AMPD2: variants seen among roughly 807,000 people sequenced by gnomAD.
The protein encoded by AMPD2 is adenosine monophosphate deaminase 2.
AMPD2 carries 52 observed loss-of-function variants against 91.3 expected under a neutral mutation model. That is an observed-to-expected ratio of 0.57 (90% CI 0.46 to 0.72). The LOEUF (loss-of-function observed/expected upper bound fraction) is 0.72. Ranked by LOEUF, AMPD2 falls within the 30% of genes least tolerant of loss-of-function variation. The probability of loss-of-function intolerance (pLI) is 0.00; values close to 1 mark genes in which losing one functional copy is unlikely to be tolerated. For missense variants in AMPD2, 822 were observed against 1,122.3 expected (o/e 0.73, Z 3.82); for synonymous variants, 455 against 456.4 (o/e 1.00, Z 0.04).
At chr1:109,626,606 G>A in intron 6 of AMPD2, 120 bp from the exon 7 acceptor site, 1 of 1,406,696 alleles carries the variant, frequency 7.1e-7, no homozygotes. Flanking sequence ...GGTGATCTGA[G>A]TGTTCCTGGG....
chr1:109,630,583 T>TGGGGGGGGGGGGGGGGGGG, intron 17 of AMPD2, 100 bp from the exon 18 acceptor site: 1 of 123,842 alleles, frequency 8.1e-6, no homozygotes, highest in African/African-American at 3.5e-4. Context: ...GTTGGGGGGA[T>TGGGGGGGGGGGGGGGGGGG]GGGGGGGCGG....
At position 109,626,736 on chromosome 1, in the gene AMPD2, C is replaced by G. The variant is rs1425223465; in HGVS notation, c.542C>G (p.Thr181Arg). The G allele has an allele frequency of 6.2e-7, 1 of 1,612,814 alleles. No individual in the cohort carries two copies. ...SGEEKCGVPF[T>R]DLLDAAKSVV... is the part of the protein sequence containing the mutation. ...TATCCTCATCTCCAGGTGCCGTTCA[C>G]AGACCTGCTGGATGCAGCCAAGAGT... The change falls in exon 7 of 19, where the codon ACA becomes AGA. Residue 181 changes from threonine to arginine, a missense_variant. Thr to Arg is a moderately conservative substitution (Grantham distance 71, BLOSUM62 -1). Transcript: ENST00000528667.
rs1424171961 is a variant in AMPD2, at chr1:109,627,077, G to A, written c.719-98G>A. On this transcript the variant is annotated intron_variant, in intron 7 of 18. Transcript: ENST00000528667. ...TTGGGCAGGAGCTGTCTGACCTACT[G>A]GGTCTTCAACATCTCTTGCCCTCTG... 3 of 1,580,862 alleles carry A rather than the reference G, an allele frequency of 1.9e-6. No homozygotes were observed. In the African/African-American group the frequency reaches 4.0e-5, roughly 21 times the overall value.
At chr1:109,627,154 T>C in intron 7 of AMPD2, 21 bp from the exon 8 acceptor site, 1 of 1,611,834 alleles carries the variant, frequency 6.2e-7, no homozygotes, top group Non-Finnish European at 8.5e-7. Context: ...TGCTCTGACT[T>C]TACCCTCCTC....
chr1:109,627,720 C>T (rs944113016), intron 9 of AMPD2, 54 bp from the exon 10 acceptor site: 2 of 1,603,942 alleles, frequency 1.2e-6, no homozygotes, highest in South Asian at 1.1e-5. Context: ...CCAAGCCCTC[C>T]CCAGGTGCCT....
At position 109,631,004 on chromosome 1, in the gene AMPD2, GC is replaced by G. The variant is rs1651210444; in HGVS notation, c.2332del (p.Arg778GlyfsTer43). ...TKEGPEGNDI[R>X]RTNVPDIRVG... ...GAAGGCCCTGAGGGGAATGACATCC[GC>G]CGGACCAATGTGCCAGACATCCGCG... On this transcript the variant is annotated frameshift_variant, in exon 19 of 19. Transcript: ENST00000528667. LOFTEE classifies it high-confidence loss of function. 1 of 1,614,064 alleles carries G rather than the reference GC, an allele frequency of 6.2e-7. No homozygotes were observed. Among genetic ancestry groups the G allele is most frequent in the South Asian group, 1.1e-5 (1 of 91,096 alleles).
In AMPD2 at chr1:109,630,038, G is replaced by A. The variant is rs1651078825; in HGVS notation, c.1983+122G>A. 2.1e-6 allele frequency: 3 copies of A among 1,463,232 alleles called. No individual in the cohort carries two copies. In the Admixed American group the frequency reaches 6.0e-5, roughly 29 times the overall value. 90.6% of individuals were successfully genotyped at this position (1,463,232 alleles called of 1,614,324 possible). ...TCAGATTGGATTCTGCCTTCCCAAT[G>A]TAACTACCCTTCCCCACCCCAGCCT... On this transcript the variant is annotated intron_variant, in intron 16 of 18. Coordinates refer to ENST00000528667, the MANE Select transcript of AMPD2 (RefSeq NM_001368809.2).
At position 109,628,220 on chromosome 1, in the gene AMPD2, T is replaced by C; in HGVS notation, c.1218T>C (p.Phe406=). The C allele has an allele frequency of 3.7e-6, 6 of 1,613,964 alleles. No individual in the cohort carries two copies. Among genetic ancestry groups the C allele is most frequent in the Non-Finnish European group, 5.1e-6 (6 of 1,180,004 alleles). Residue 406 remains phenylalanine (F), a synonymous_variant, in exon 11 of 19, where the codon TTT becomes TTC. Coordinates refer to ENST00000528667, the MANE Select transcript of AMPD2 (RefSeq NM_001368809.2). This position sits in a 1 kb window ranked among gnomAD's most constrained non-coding sequence, Gnocchi z 7.1. ...QGREQTLREV[F]ESMNLTAYDL... is the part of the protein sequence containing the mutation. ...GTGAACAGACGCTGCGGGAGGTCTT[T>C]GAGAGCATGAATCTCACGGCCTACG...
At chr1:109,620,743 T>G in intron 1 of AMPD2, 171 bp from the exon 2 acceptor site, 1 of 1,249,300 alleles carries the variant, frequency 8.0e-7, no homozygotes, top group Non-Finnish European at 1.0e-6. Flanking sequence ...TCCTGTTTGT[T>G]ATTCTTTTTT....
rs747457875 is a variant in AMPD2 at position 109,630,962 on chromosome 1, G to C, written c.2288G>C (p.Gly763Ala). The C allele has an allele frequency of 1.2e-6, 2 of 1,614,120 alleles. No homozygotes were observed. Among genetic ancestry groups the C allele is most frequent in the East Asian group, 2.2e-5 (1 of 44,876 alleles). ...FSHKVKSHWLGPNYTKEGPEG... is the reference protein window; with the variant it reads ...FSHKVKSHWLAPNYTKEGPEG... ...TTGCAGGTAAAGAGCCACTGGCTGGGACCCAACTATACCAAGGAAGGCCCT... is the reference window on the plus strand; with the variant it reads ...TTGCAGGTAAAGAGCCACTGGCTGGCACCCAACTATACCAAGGAAGGCCCT... The change falls in exon 19 of 19, where the codon GGA becomes GCA. Residue 763 changes from glycine (G) to alanine (A), a missense_variant. Physicochemically the swap from Gly to Ala is moderately conservative, Grantham distance 60. This residue lies in a region of AMPD2 where 430 missense variants were observed against 606.0 expected (regional missense o/e 0.71). Coordinates refer to ENST00000528667, the MANE Select transcript of AMPD2 (RefSeq NM_001368809.2).
chr1:109,625,469 T>A lies in AMPD2; in HGVS notation c.222+36T>A, dbSNP rs781708790. ...GCACCACCCGCACCCTCACCCCGTG[T>A]CTCCATGCCCTGCCTCTGCTCCCCA... On this transcript the variant is annotated intron_variant, in intron 3 of 18. Coordinates refer to ENST00000528667, the MANE Select transcript of AMPD2 (RefSeq NM_001368809.2). The surrounding 1 kb of genome is among the most constrained non-coding windows in gnomAD (Gnocchi z 4.0). The A allele has an allele frequency of 9.3e-6, 15 of 1,613,118 alleles. 1 individual carries two copies. In the African/African-American group the frequency reaches 2.0e-4, roughly 22 times the overall value.
At chr1:109,623,260 C>T (rs746132461) in intron 2 of AMPD2, among the ~76,000 whole-genome samples, 2 of 152,272 alleles carry the variant, frequency 1.3e-5, no homozygotes, top group East Asian at 3.9e-4. Context: ...GACCACTTAT[C>T]GCCCCACTTG....
Position 109,620,904 on chromosome 1 carries a change from C to G in AMPD2, c.-262-10C>G. 6.8e-7 allele frequency: 1 copy of G among 1,462,864 alleles called. No homozygotes were observed. Among genetic ancestry groups the G allele is most frequent in the East Asian group, 2.5e-5 (1 of 40,776 alleles). The allele number at this position is 1,462,864 out of a possible 1,614,324, so 90.6% of individuals were successfully genotyped here. A position where few individuals can be genotyped will look rare whatever the true frequency, so the allele number is the denominator to read the frequency against. On this transcript the variant is annotated splice_polypyrimidine_tract_variant and intron_variant, in intron 1 of 18. Coordinates refer to ENST00000528667, the MANE Select transcript of AMPD2 (RefSeq NM_001368809.2). ...TCTTTTCTACCCACCCCCTCCCCGC[C>G]CCCCGCCAGGCCCAGCCACCATCAG...
At chr1:109,622,373 G>A in intron 2 of AMPD2, 1 of 450,158 alleles carries the variant, frequency 2.2e-6, no homozygotes, top group Admixed American at 2.4e-5. Flanking sequence ...TCTGATACTT[G>A]TGGGGTCAAA....
chr1:109,626,124 G>A (rs768185545), intron 4 of AMPD2, 36 bp from the exon 5 acceptor site: 14 of 1,612,082 alleles, frequency 8.7e-6, no homozygotes, highest in South Asian at 5.5e-5. Context: ...GCCGTCCCTC[G>A]GGATCTGCCT....
At chr1:109,622,193 T>C (rs1275521778) in intron 2 of AMPD2, 1 of 456,260 alleles carries the variant, frequency 2.2e-6, no homozygotes. Context: ...AGATGACTGG[T>C]GCAAGGTCTC....
At position 109,625,322 on chromosome 1, in the gene AMPD2, G is replaced by A; in HGVS notation, c.111G>A (p.Gly37=). ...TAAPEARGGL[G]APPLQSARSL... ...CTGCAGAGGCTCGGGGTGGTCTGGG[G>A]GCCCCTCCGCTGCAGTCTGCCCGAT... is the stretch of plus-strand genomic sequence containing the variant. Residue 37 remains glycine (G), a synonymous_variant, in exon 3 of 19, where the codon GGG becomes GGA. Transcript: ENST00000528667. The surrounding 1 kb of genome is among the most constrained non-coding windows in gnomAD (Gnocchi z 4.0). 1.2e-6 allele frequency: 2 copies of A among 1,613,116 alleles called. No individual in the cohort carries two copies. The highest frequency in any genetic ancestry group is 1.7e-6 in the Non-Finnish European group (2 of 1,179,794).
At chr1:109,621,287 C>T (rs766717176) in intron 2 of AMPD2, 21 bp downstream of exon 2, 2 of 1,610,186 alleles carry the variant, frequency 1.2e-6, no homozygotes, top group Admixed American at 3.3e-5. Flanking sequence ...GCTTCCTGGC[C>T]TCAGGATAGA....
In AMPD2 at chr1:109,631,241, C is replaced by T. The variant is rs138788859; in HGVS notation, c.*89C>T. 545 of 1,223,280 alleles carry T rather than the reference C, an allele frequency of 4.5e-4. No homozygotes were observed. In the African/African-American group the frequency reaches 7.3e-3, roughly 16 times the overall value. 75.8% of individuals were successfully genotyped at this position (1,223,280 alleles called of 1,614,324 possible). A position where few individuals can be genotyped will look rare whatever the true frequency, so the allele number is the denominator to read the frequency against. On this transcript the variant is annotated 3_prime_UTR_variant, in exon 19 of 19. Transcript: ENST00000528667. The stretch of plus-strand genomic sequence containing the variant: ...CCCATGCTGTGTGGTCTCTGCATGT[C>T]TCCATTCTTCTCTGTCTCTGTCTTG...
Sources: allele counts gnomAD v4.1 joint callset (sites outside exome capture counted in the v4.1 genomes callset), GRCh38; gene constraint gnomAD v4.1.1; regional missense constraint gnomAD v4.1.1; non-coding constraint Gnocchi (gnomAD v3.1); transcripts MANE v1.5; gene names NCBI Gene and HGNC (gene_info 2026-07-23, HGNC 2026-07-21).